The following DAB1 variants were observed in gnomAD, a reference collection of about 807,000 sequenced individuals.
DAB1 encodes DAB adaptor protein 1, also known as disabled homolog 1.
Under a neutral mutation model 64.6 loss-of-function variants are expected in DAB1, and 15 were observed. That is an observed-to-expected ratio of 0.23 (90% CI 0.16 to 0.36). The LOEUF is 0.36. DAB1 is among the 10% of genes least tolerant of loss of function. The pLI, the probability that DAB1 is intolerant of heterozygous loss-of-function variation, is 1.00. For missense variants in DAB1, 596 were observed against 706.7 expected, an observed-to-expected ratio of 0.84 and a Z score of 1.78; for synonymous variants, 235 against 251.9, an observed-to-expected ratio of 0.93 and a Z score of 0.64.
At chr1:57,610,583 A>C (rs1054358387) in intron 7 of DAB1, among the ~76,000 whole-genome samples, 1 of 152,208 alleles carries the variant, frequency 6.6e-6, no homozygotes, top group African/African-American at 2.4e-5. Context: ...AAGACTGGGT[A>C]ATTTATAAAG....
intron 1 of DAB1, among the ~76,000 whole-genome samples, chr1:57,362,322 G>A (rs559939033): frequency 1.1e-3 from 154 of 141,388 alleles, no homozygotes; most frequent in African/African-American, 4.0e-3. Flanking sequence ...CTCAAAAAAC[G>A]TAAATCATTG....
intron 4 of DAB1, among the ~76,000 whole-genome samples, chr1:58,264,014 A>G (rs1357616657): frequency 2.6e-5 from 4 of 152,228 alleles, no homozygotes; most frequent in African/African-American, 9.6e-5. Flanking sequence ...GTACTTGCAG[A>G]TTTTGGAAGG....
At chr1:57,287,561 G>GA (rs1021767242) in intron 2 of DAB1, among the ~76,000 whole-genome samples, 2 of 152,156 alleles carry the variant, frequency 1.3e-5, no homozygotes, top group African/African-American at 4.8e-5. Context: ...TGTCTCCATA[G>GA]AAAATCCAAG....
rs562925196 is a variant in DAB1, at chr1:57,664,785, C to T, written n.552-15120G>A. On this transcript the variant is annotated intron_variant and non_coding_transcript_variant, in intron 6 of 20. Transcript: ENST00000485760. ...AAGTGATAATAAAGAACATTTAATG[C>T]CATTAGAATGTTTTCTTAACATTTT... is the stretch of plus-strand genomic sequence containing the variant. Among the ~76,000 whole-genome samples, 27 of 151,798 alleles carry T rather than the reference C, an allele frequency of 1.8e-4. No individual in the cohort carries two copies. In the East Asian group the frequency reaches 4.8e-3, roughly 27 times the overall value.
intron 4 of DAB1, among the ~76,000 whole-genome samples, chr1:57,120,922 G>C (rs1440736185): frequency 1.3e-5 from 2 of 152,086 alleles, no homozygotes; most frequent in African/African-American, 4.8e-5. Context: ...AAAGTGGCTG[G>C]TGTGTGGAAG....
chr1:58,102,691 C>T (rs1278464213), intron 5 of DAB1, among the ~76,000 whole-genome samples: 1 of 152,140 alleles, frequency 6.6e-6, no homozygotes, highest in Non-Finnish European at 1.5e-5. Flanking sequence ...TTCTCACCCA[C>T]CTTTTTCTTT....
At chr1:57,201,769 G>A (rs1447817987) in intron 2 of DAB1, among the ~76,000 whole-genome samples, 2 of 151,992 alleles carry the variant, frequency 1.3e-5, no homozygotes, top group African/African-American at 2.4e-5. Context: ...TATTCAACTG[G>A]AAGATCTGGA....
At chr1:57,559,511 G>T (rs745554465) in intron 7 of DAB1, among the ~76,000 whole-genome samples, 1 of 152,174 alleles carries the variant, frequency 6.6e-6, no homozygotes, top group African/African-American at 2.4e-5. Flanking sequence ...CAGACATTTC[G>T]GGGACTATTG....
intron 2 of DAB1, among the ~76,000 whole-genome samples, chr1:57,183,805 T>C (rs138269097): frequency 0.011 from 1,703 of 152,298 alleles, 17 homozygotes; most frequent in Non-Finnish European, 0.016. Context: ...CTCTATATCA[T>C]ATTACAGCTA....
intron 6 of DAB1, among the ~76,000 whole-genome samples, chr1:57,676,920 G>A (rs1316700153): frequency 6.6e-6 from 1 of 152,160 alleles, no homozygotes; most frequent in African/African-American, 2.4e-5. Context: ...AAAGAGAGAA[G>A]GAGGCTATGG....
At chr1:58,384,629 T>C (rs1362286570) in intron 3 of DAB1, among the ~76,000 whole-genome samples, 2 of 152,214 alleles carry the variant, frequency 1.3e-5, no homozygotes, top group African/African-American at 2.4e-5. Flanking sequence ...GCTGTCTGTC[T>C]GCAAGCTGAG....
At chr1:57,469,595 G>C (rs896622023) in intron 7 of DAB1, among the ~76,000 whole-genome samples, 6 of 151,990 alleles carry the variant, frequency 3.9e-5, no homozygotes, top group African/African-American at 1.2e-4. Context: ...GCTCACCCTG[G>C]GGTACTTCAC....
At chr1:57,071,973 T>G (rs1004939085) in intron 5 of DAB1, among the ~76,000 whole-genome samples, 7 of 151,544 alleles carry the variant, frequency 4.6e-5, no homozygotes, top group African/African-American at 1.7e-4. Flanking sequence ...TAAATGAGGC[T>G]ATGAACGCAA....
chr1:57,336,601 T>C lies in DAB1; in HGVS notation c.-136-45435A>G, dbSNP rs149174575. 2.6e-5 allele frequency among the ~76,000 whole-genome samples: 4 copies of C among 152,278 alleles called. No individual in the cohort carries two copies. The East Asian group carries it at 7.7e-4, about 29-fold the overall frequency. ...ACAACAGCTCTAGTAGGTAGGTGCT[T>C]ATCACCGTTTCCTTTTTACAAATTA... is the stretch of plus-strand genomic sequence containing the variant. On this transcript the variant is annotated intron_variant, in intron 1 of 14. Coordinates refer to ENST00000371236, the MANE Select transcript of DAB1 (RefSeq NM_001365792.1).
intron 3 of DAB1, among the ~76,000 whole-genome samples, chr1:58,357,254 G>C (rs1644120719): frequency 1.3e-5 from 2 of 152,086 alleles, no homozygotes; most frequent in African/African-American, 4.8e-5. Context: ...AGTGAGAACA[G>C]AGGGAAATGG....
At chr1:57,365,852 G>C (rs7513076) in intron 1 of DAB1, among the ~76,000 whole-genome samples, 48,290 of 152,018 alleles carry the variant, frequency 0.32, 8,058 homozygotes, top group African/African-American at 0.38. Context: ...ACACCTTCTA[G>C]TGTGTCTTGC....
chr1:57,286,059 AC>A (rs1454640086), intron 2 of DAB1, among the ~76,000 whole-genome samples: 8 of 152,232 alleles, frequency 5.3e-5, no homozygotes, highest in African/African-American at 1.4e-4. Context: ...AATGAAAAAA[AC>A]AACTTTATTT....
intron 14 of DAB1, among the ~76,000 whole-genome samples, chr1:56,998,963 C>CTGTGGT (rs1408342960): frequency 6.6e-6 from 1 of 152,152 alleles, no homozygotes; most frequent in African/African-American, 2.4e-5. Flanking sequence ...TTGATGGATA[C>CTGTGGT]TGTGGTTTTA....
chr1:58,015,502 C>T (rs1039622027), intron 5 of DAB1, among the ~76,000 whole-genome samples: 1 of 152,130 alleles, frequency 6.6e-6, no homozygotes, highest in Non-Finnish European at 1.5e-5. Flanking sequence ...ATTGTCTAGT[C>T]CAGCCCAGCT....
Sources: gnomAD v4.1 joint callset for allele counts (sites outside exome capture counted in the v4.1 genomes callset) on GRCh38, gnomAD v4.1.1 for gene constraint, MANE v1.5 for transcripts, NCBI Gene and HGNC (gene_info 2026-07-23, HGNC 2026-07-21) for gene names.